PBK: variants seen among roughly 807,000 people sequenced by gnomAD.
The protein encoded by PBK is PDZ binding kinase, also known as lymphokine-activated killer T-cell-originated protein kinase.
In PBK, 22 loss-of-function variants were observed where a neutral mutation model predicts 33.5. That is an observed-to-expected ratio of 0.66 (90% CI 0.47 to 0.94). The LOEUF is 0.94. PBK is among the 40% of genes least tolerant of loss of function. PBK has a pLI of 0.00. For synonymous variants in PBK, 129 were observed against 123.8 expected, an observed-to-expected ratio of 1.04 and a Z score of -0.28; for missense variants, 376 against 383.4, an observed-to-expected ratio of 0.98 and a Z score of 0.16.
chr8:27,819,941 CA>C (rs1805887745), intron 6 of PBK, among the ~76,000 whole-genome samples: 1 of 152,102 alleles, frequency 6.6e-6, no homozygotes, highest in Non-Finnish European at 1.5e-5. Context: ...GCTAGAAATT[CA>C]GGCATTTATA....
At chr8:27,829,122 C>T (rs1388026128) in intron 2 of PBK, among the ~76,000 whole-genome samples, 2 of 152,094 alleles carry the variant, frequency 1.3e-5, no homozygotes, top group Non-Finnish European at 2.9e-5. Flanking sequence ...CCAAAGAGAG[C>T]ACTCCAAAGA....
intron 1 of PBK, among the ~76,000 whole-genome samples, chr8:27,834,274 G>A (rs1321281737): frequency 1.3e-5 from 2 of 152,056 alleles, no homozygotes; most frequent in African/African-American, 4.8e-5. Context: ...GATAATGCCC[G>A]CCTGGGCCTC....
chr8:27,830,239 A>G (rs964589356), intron 2 of PBK, among the ~76,000 whole-genome samples: 18 of 151,848 alleles, frequency 1.2e-4, no homozygotes, highest in Admixed American at 5.9e-4. Context: ...CAGGAATGGC[A>G]AAATTAGCAG....
chr8:27,810,139 C>T lies in PBK; in HGVS notation c.*166G>A. 1.7e-6 allele frequency: 1 copy of T among 587,064 alleles called. No individual in the cohort carries two copies. The highest frequency in any genetic ancestry group is 3.0e-6 in the Non-Finnish European group (1 of 336,150). The allele number at this position is 587,064 out of a possible 1,614,324, so 36.4% of individuals were successfully genotyped here. A position where few individuals can be genotyped will look rare whatever the true frequency, so the allele number is the denominator to read the frequency against. On this transcript the variant is annotated 3_prime_UTR_variant, in exon 8 of 8. Transcript: ENST00000301905. ...CCAGTACAATTCCAAGTGCTTATAG[C>T]CAATATAAGCATATTTCATATTAGA...
intron 6 of PBK, among the ~76,000 whole-genome samples, chr8:27,814,084 C>CT (rs1352619182): frequency 1.3e-5 from 2 of 152,110 alleles, no homozygotes; most frequent in Non-Finnish European, 2.9e-5. Flanking sequence ...ACAGACTGGG[C>CT]AGAGGTCCTT....
chr8:27,830,607 G>A (rs28613382), intron 2 of PBK, among the ~76,000 whole-genome samples: 23,981 of 152,196 alleles, frequency 0.16, 2,403 homozygotes, highest in East Asian at 0.37. Context: ...CTGTCTGAGC[G>A]CTGAGCACTT....
chr8:27,810,645 T>C (rs1805659289), intron 7 of PBK, 144 bp from the exon 8 acceptor site: 1 of 610,834 alleles, frequency 1.6e-6, no homozygotes, highest in East Asian at 2.8e-5. Flanking sequence ...ATGTCTTCAA[T>C]TGTCCTGCCA....
intron 2 of PBK, among the ~76,000 whole-genome samples, chr8:27,832,495 C>A (rs10098588): frequency 6.6e-6 from 1 of 152,196 alleles, no homozygotes; most frequent in South Asian, 2.1e-4. Context: ...CCATATACAA[C>A]ATCCCAAGCA....
chr8:27,828,168 G>A lies in PBK; in HGVS notation c.89C>T (p.Pro30Leu), dbSNP rs376363789. The A allele has an allele frequency of 3.7e-5, 59 of 1,575,062 alleles. No individual in the cohort carries two copies. The highest frequency in any genetic ancestry group is 4.4e-5 in the Non-Finnish European group (51 of 1,147,334). ...AAGCTTCTGCATAAACGGAGAGGCC[G>A]GGATATTTATAGTTGGAGTTGAACA... ...VLCSTPTINIPASPFMQKLGF... is the reference protein window; with the variant it reads ...VLCSTPTINILASPFMQKLGF... The change falls in exon 3 of 8, where the codon CCG becomes CTG. Residue 30 changes from proline to leucine, a missense_variant. Pro to Leu is a moderately conservative substitution (Grantham distance 98, BLOSUM62 -3). Coordinates refer to ENST00000301905, the MANE Select transcript of PBK (RefSeq NM_018492.4).
rs1404464497 is a variant in PBK, at chr8:27,828,163, A to C, written c.94T>G (p.Ser32Ala). The change falls in exon 3 of 8, where the codon TCT (serine) becomes GCT (alanine). Residue 32 changes from serine (S) to alanine (A), a missense_variant. Ser to Ala is a moderately conservative substitution (Grantham distance 99). Coordinates refer to ENST00000301905, the MANE Select transcript of PBK (RefSeq NM_018492.4). The part of the protein sequence containing the change: ...CSTPTINIPA[S>A]PFMQKLGFGT... ...AAGCCAAGCTTCTGCATAAACGGAG[A>C]GGCCGGGATATTTATAGTTGGAGTT... 6.3e-7 allele frequency: 1 copy of C among 1,578,634 alleles called. No homozygotes were observed. Among genetic ancestry groups the C allele is most frequent in the African/African-American group, 1.3e-5 (1 of 74,226 alleles).
intron 6 of PBK, among the ~76,000 whole-genome samples, chr8:27,817,733 T>A (rs66483220): frequency 0.16 from 23,902 of 151,964 alleles, 2,383 homozygotes; most frequent in East Asian, 0.37. Context: ...TTTTTAAAGG[T>A]TTTTCTTATT....
At chr8:27,827,313 G>C (rs549501051) in intron 3 of PBK, among the ~76,000 whole-genome samples, 170 of 152,258 alleles carry the variant, frequency 1.1e-3, no homozygotes, top group Non-Finnish European at 2.1e-3. Context: ...TTTGGGAGGC[G>C]AAGGCGGGCA....
rs753244295 is a variant in PBK, at chr8:27,823,124, A to G, written c.234T>C (p.Tyr78=). The G allele has an allele frequency of 8.2e-6, 13 of 1,576,516 alleles. No individual in the cohort carries two copies. The highest frequency in any genetic ancestry group is 1.3e-5 in the African/African-American group (1 of 74,096). ...TAGCTTCATCCATTAGTCTCTTTTG[A>G]TACACACTTCGATAATGATCATTAC... ...PICNDHYRSV[Y]QKRLMDEAKI... Residue 78 remains tyrosine (Y), a synonymous_variant, in exon 4 of 8, where the codon TAT becomes TAC. Coordinates refer to ENST00000301905, the MANE Select transcript of PBK (RefSeq NM_018492.4).
rs771226147 is a variant in PBK at position 27,822,523 on chromosome 8, G to A, written c.296-35C>T. The A allele has an allele frequency of 3.5e-6, 5 of 1,440,284 alleles. No homozygotes were observed. In the African/African-American group the frequency reaches 7.2e-5, roughly 21 times the overall value. 89.2% of individuals were successfully genotyped at this position (1,440,284 alleles called of 1,614,324 possible). On this transcript the variant is annotated intron_variant, in intron 4 of 7. Transcript: ENST00000301905. Reference sequence around the variant, plus strand: ...AACATGACATTTCTTCACTAATATAGAGAAGAACAATAATATTTAAGTCCT... The same window carrying A: ...AACATGACATTTCTTCACTAATATAAAGAAGAACAATAATATTTAAGTCCT...
intron 1 of PBK, 29 bp from the exon 2 acceptor site, chr8:27,833,162 C>G (rs1292619658): frequency 8.5e-7 from 1 of 1,181,632 alleles, no homozygotes; most frequent in Non-Finnish European, 1.2e-6. Context: ...GCAAGTTACA[C>G]AGCAGATATA....
intron 1 of PBK, among the ~76,000 whole-genome samples, chr8:27,837,184 T>C (rs938472036): frequency 1.4e-5 from 2 of 138,982 alleles, no homozygotes; most frequent in African/African-American, 2.5e-5. Context: ...AAGTACTGTT[T>C]AAGAGGCAGC....
At chr8:27,814,355 A>G (rs1321693796) in intron 6 of PBK, among the ~76,000 whole-genome samples, 3 of 152,134 alleles carry the variant, frequency 2.0e-5, no homozygotes, top group East Asian at 3.8e-4. Flanking sequence ...TATTCTTTAA[A>G]TGTGTGTAGA....
At chr8:27,813,621 C>A (rs1430753672) in intron 6 of PBK, among the ~76,000 whole-genome samples, 2 of 152,190 alleles carry the variant, frequency 1.3e-5, no homozygotes, top group Non-Finnish European at 1.5e-5. Context: ...CATATAGTTA[C>A]CATTTTTTTG....
intron 6 of PBK, among the ~76,000 whole-genome samples, chr8:27,816,381 TAA>T (rs1563489379): frequency 3.5e-4 from 15 of 42,286 alleles, no homozygotes; most frequent in East Asian, 2.9e-3. Flanking sequence ...TTATTTATTT[TAA>T]TTTATTTTTT....
Sources: allele counts gnomAD v4.1 joint callset (sites outside exome capture counted in the v4.1 genomes callset), GRCh38; gene constraint gnomAD v4.1.1; transcripts MANE v1.5; gene names NCBI Gene and HGNC (gene_info 2026-07-23, HGNC 2026-07-21).